Variants in GGT1 observed in about 807,000 individuals in gnomAD.
The protein encoded by GGT1 is glutathione hydrolase 1 proenzyme.
In GGT1, 21 loss-of-function variants were observed where a neutral mutation model predicts 56.0. The ratio of observed to expected loss-of-function variants is 0.38; its 90% CI spans 0.27 to 0.54. GGT1 has a LOEUF of 0.54. Among genes scored for constraint, GGT1 ranks in the 20% least tolerant of loss-of-function variants. The pLI is 0.82. For missense variants in GGT1, 466 were observed against 787.0 expected, an observed-to-expected ratio of 0.59 and a Z score of 4.88; for synonymous variants, 238 against 342.6, an observed-to-expected ratio of 0.69 and a Z score of 3.37.
chr22:24,605,971 A>T (rs1330136617), intron 1 of GGT1, among the ~76,000 whole-genome samples: 2 of 59,504 alleles, frequency 3.4e-5, no homozygotes, highest in African/African-American at 1.3e-4. Flanking sequence ...TATTACATAT[A>T]ATATATCATA....
In GGT1 at chr22:24,623,792, C is replaced by G. The variant is rs1257709578; in HGVS notation, c.896C>G (p.Ser299Cys). The change falls in exon 11 of 16, where the codon TCC becomes TGC. Residue 299 changes from serine (S) to cysteine (C), a missense_variant. By Grantham distance (112) the Ser-to-Cys change is moderately radical (BLOSUM62 -1). This residue lies in a region of GGT1 where 456 missense variants were observed against 716.7 expected (regional missense o/e 0.64). Coordinates refer to ENST00000400382, the MANE Select transcript of GGT1 (RefSeq NM_001288833.2). ...TCTGATCAACCAGGGTACAACTTCT[C>G]CCGGGAGAGCGTGGAGAGCCCCGAG... ...ILNILKGYNF[S>C]RESVESPEQK... 6.2e-7 allele frequency: 1 copy of G among 1,611,868 alleles called. No homozygotes were observed. The highest frequency in any genetic ancestry group is 8.5e-7 in the Non-Finnish European group (1 of 1,179,830).
intron 7 of GGT1, among the ~76,000 whole-genome samples, chr22:24,617,630 G>A (rs957355167): frequency 4.6e-5 from 7 of 151,890 alleles, no homozygotes; most frequent in Non-Finnish European, 8.8e-5. Flanking sequence ...TGGAAGGATG[G>A]GGTGACCCTA....
chr22:24,585,883 G>A, the GGT1 span: 12 of 1,574,452 alleles, frequency 7.6e-6, no homozygotes, highest in Middle Eastern at 1.7e-4. Context: ...GGTGGGTGGT[G>A]GGTCACCTGG....
the GGT1 span, chr22:24,585,532 C>A: frequency 3.3e-6 from 1 of 305,850 alleles, no homozygotes; most frequent in Non-Finnish European, 6.2e-6. Flanking sequence ...TCAGTGTGAC[C>A]TTTGTCCCAC....
rs142987478 is a variant in GGT1 at position 24,615,064 on chromosome 22, C to G, written c.319C>G (p.Arg107Gly). 2 of 1,612,094 alleles carry G rather than the reference C, an allele frequency of 1.2e-6. No homozygotes were observed. Among genetic ancestry groups the G allele is most frequent in the Admixed American group, 1.7e-5 (1 of 60,024 alleles). Residue 107 changes from arginine to glycine, a missense_variant, in exon 7 of 16, where the codon CGC becomes GGC. Arg to Gly is a moderately radical substitution (Grantham distance 125, BLOSUM62 -2). Transcript: ENST00000400382. ...AGGAAAAGCTGAGGTCATCAACGCC[C>G]GCGAGGTGGCCCCCAGGCTGGCCTT... is the stretch of plus-strand genomic sequence containing the variant. ...TTRKAEVINA[R>G]EVAPRLAFAT... is the part of the protein sequence containing the mutation.
At chr22:24,584,158 A>T in the GGT1 span, among the ~76,000 whole-genome samples, 2 of 152,092 alleles carry the variant, frequency 1.3e-5, no homozygotes, top group African/African-American at 4.8e-5. Context: ...ATAGGGAAAC[A>T]CTTCTATGGC....
intron 1 of GGT1, among the ~76,000 whole-genome samples, chr22:24,596,021 T>A (rs951372809): frequency 2.0e-5 from 3 of 152,208 alleles, no homozygotes; most frequent in African/African-American, 4.8e-5. Flanking sequence ...GGATACTCTA[T>A]GGAGACAGAA....
intron 2 of GGT1, 100 bp downstream of exon 2, chr22:24,608,123 C>T (rs544885896): frequency 7.7e-6 from 3 of 392,112 alleles, no homozygotes; most frequent in African/African-American, 6.4e-5. Context: ...GTGTGCAGCT[C>T]TCACGCTGTT....
In GGT1 at chr22:24,620,627, C is replaced by T. The variant is rs1451032328; in HGVS notation, c.575+107C>T. On this transcript the variant is annotated intron_variant, in intron 8 of 15. Coordinates refer to ENST00000400382, the MANE Select transcript of GGT1 (RefSeq NM_001288833.2). The surrounding 1 kb of genome is among the most constrained non-coding windows in gnomAD (Gnocchi z 5.6). ...AGCCCTCTGCCTTCAGGACCCTGTG[C>T]TGATAATGGGATGAGGAGATACAGA... 2 of 1,570,408 alleles carry T rather than the reference C, an allele frequency of 1.3e-6. No homozygotes were observed. The highest frequency in any genetic ancestry group is 2.7e-5 in the African/African-American group (2 of 73,718).
the GGT1 span, among the ~76,000 whole-genome samples, chr22:24,586,817 C>T: frequency 6.6e-6 from 1 of 152,248 alleles, no homozygotes; most frequent in African/African-American, 2.4e-5. Context: ...AGGCGTGAGC[C>T]ACTGCGCCCG....
chr22:24,592,077 T>C, upstream of GGT1: 1 of 346,660 alleles, frequency 2.9e-6, no homozygotes, highest in South Asian at 2.1e-5. Context: ...GCTGACTTCC[T>C]GCTCACAGGA....
chr22:24,585,872 AGGTGGGT>A, the GGT1 span: 1 of 1,563,778 alleles, frequency 6.4e-7, no homozygotes, highest in Non-Finnish European at 8.6e-7. Context: ...GCAATGAGCC[AGGTGGGT>A]GGTGGGTCAC....
At chr22:24,592,895 GC>G, upstream of GGT1, 1 of 1,280,568 alleles carries the variant, frequency 7.8e-7, no homozygotes, top group Non-Finnish European at 9.9e-7. Context: ...TGCCGGGCGC[GC>G]TCCGGCCGCC....
chr22:24,605,358 ATGTATTATATATTATATAATAT>A (rs2046083020), intron 1 of GGT1, among the ~76,000 whole-genome samples: 1 of 60,812 alleles, frequency 1.6e-5, no homozygotes, highest in Non-Finnish European at 2.6e-5. Context: ...ATTATATAAT[ATGTATTATATATTATATAATAT>A]TATAATATGT....
At chr22:24,607,520 C>T in intron 1 of GGT1, 1 of 153,798 alleles carries the variant, frequency 6.5e-6, no homozygotes, top group South Asian at 1.9e-4. Flanking sequence ...ATCCAGGGCC[C>T]TCCCAGGGCT....
intron 11 of GGT1, chr22:24,627,170 G>C: frequency 2.0e-6 from 2 of 1,020,882 alleles, no homozygotes; most frequent in Non-Finnish European, 2.8e-6. Flanking sequence ...TTTGCATGAA[G>C]GAATGAGTGA....
the GGT1 span, chr22:24,583,788 G>A: frequency 6.4e-6 from 3 of 470,998 alleles, no homozygotes; most frequent in Non-Finnish European, 1.3e-5. Flanking sequence ...ACACCAGCTC[G>A]GGTCCTCGCA....
At chr22:24,602,113 C>T (rs543823790), upstream of GGT1, among the ~76,000 whole-genome samples, 22 of 152,230 alleles carry the variant, frequency 1.4e-4, no homozygotes, top group African/African-American at 4.8e-4. Context: ...TTTGACACCT[C>T]GGGGCTCAGG....
intron 7 of GGT1, among the ~76,000 whole-genome samples, chr22:24,616,134 C>CT (rs1004202248): frequency 1.3e-4 from 20 of 151,122 alleles, no homozygotes; most frequent in African/African-American, 4.9e-4. Context: ...AAGGCTGGGC[C>CT]TTTTTTTCAC....
Sources: allele counts gnomAD v4.1 joint callset (sites outside exome capture counted in the v4.1 genomes callset), GRCh38; gene constraint gnomAD v4.1.1; regional missense constraint gnomAD v4.1.1; non-coding constraint Gnocchi (gnomAD v3.1); transcripts MANE v1.5; gene names NCBI Gene and HGNC (gene_info 2026-07-23, HGNC 2026-07-21).